Variants in LMBRD1 observed in about 807,000 individuals in gnomAD.
The protein encoded by LMBRD1 is lysosomal cobalamin transport escort protein LMBD1.
A neutral mutation model predicts 74.8 loss-of-function variants in LMBRD1; 64 were observed. That is an observed-to-expected ratio of 0.86 (90% CI 0.70 to 1.05). The LOEUF (loss-of-function observed/expected upper bound fraction) is 1.05, where lower values mean the gene tolerates loss of function less well. Among genes scored for constraint, LMBRD1 ranks in the 50% least tolerant of loss-of-function variants. The pLI is 0.00. For synonymous variants in LMBRD1, 204 were observed against 216.3 expected, an observed-to-expected ratio of 0.94 and a Z score of 0.50; for missense variants, 652 against 645.9, an observed-to-expected ratio of 1.01 and a Z score of -0.10.
At chr6:69,687,664 AAC>A (rs1189673686) in intron 14 of LMBRD1, among the ~76,000 whole-genome samples, 2 of 152,218 alleles carry the variant, frequency 1.3e-5, no homozygotes, top group African/African-American at 4.8e-5. Context: ...ACTGAAATGC[AAC>A]ACAGTCATTA....
chr6:69,702,302 C>T (rs996614266), intron 9 of LMBRD1, among the ~76,000 whole-genome samples: 2 of 151,754 alleles, frequency 1.3e-5, no homozygotes, highest in Non-Finnish European at 2.9e-5. Context: ...CACACACACA[C>T]ACACCCCAAA....
At chr6:69,700,264 T>G (rs1328441073) in intron 12 of LMBRD1, among the ~76,000 whole-genome samples, 1 of 151,896 alleles carries the variant, frequency 6.6e-6, no homozygotes, top group Non-Finnish European at 1.5e-5. Flanking sequence ...AATTGTTAAT[T>G]TATCTCAAAA....
chr6:69,676,124 G>C lies in LMBRD1; in HGVS notation c.*34C>G. On this transcript the variant is annotated 3_prime_UTR_variant, in exon 16 of 16. Transcript: ENST00000649934. Reference sequence around the variant, plus strand: ...TTTAAAAATGCATAACAGATATTCAGTCAGCATTATAAAACCTTTAAGACA... The same window carrying C: ...TTTAAAAATGCATAACAGATATTCACTCAGCATTATAAAACCTTTAAGACA... 1 of 1,504,578 alleles carries C rather than the reference G, an allele frequency of 6.6e-7. No individual in the cohort carries two copies. The highest frequency in any genetic ancestry group is 1.1e-5 in the South Asian group (1 of 88,732). The allele number at this position is 1,504,578 out of a possible 1,614,324, so 93.2% of individuals were successfully genotyped here. A position where few individuals can be genotyped will look rare whatever the true frequency, so the allele number is the denominator to read the frequency against.
intron 3 of LMBRD1, among the ~76,000 whole-genome samples, chr6:69,759,001 T>G (rs1403376725): frequency 1.3e-5 from 2 of 152,136 alleles, no homozygotes; most frequent in South Asian, 2.1e-4. Context: ...TAGATCAAAG[T>G]GGCCTGGTAG....
At chr6:69,779,301 T>C (rs1403971787) in intron 3 of LMBRD1, among the ~76,000 whole-genome samples, 2 of 152,138 alleles carry the variant, frequency 1.3e-5, no homozygotes, top group East Asian at 3.8e-4. Flanking sequence ...ACTCAGAATC[T>C]TTATTGCTGA....
chr6:69,680,110 T>C lies in LMBRD1; in HGVS notation c.1418-3569A>G, dbSNP rs146723045. Reference sequence around the variant, plus strand: ...CAAATTTGTATAATCAGTATCAGCATACACTGCTAAATATACCTTTAAATA... The same window carrying C: ...CAAATTTGTATAATCAGTATCAGCACACACTGCTAAATATACCTTTAAATA... On this transcript the variant is annotated intron_variant, in intron 14 of 15. Transcript: ENST00000649934. 4.7e-3 allele frequency among the ~76,000 whole-genome samples: 722 copies of C among 152,244 alleles called. 8 individuals carry two copies. Among genetic ancestry groups the C allele is most frequent in the Middle Eastern group, 0.017 (5 of 294 alleles).
intron 13 of LMBRD1, 48 bp from the exon 14 acceptor site, chr6:69,697,689 A>C: frequency 8.9e-7 from 1 of 1,117,440 alleles, no homozygotes; most frequent in Non-Finnish European, 1.4e-6. Context: ...ATTAATAAAT[A>C]CATTTGGATT....
chr6:69,757,020 T>C (rs1765281225), intron 3 of LMBRD1, among the ~76,000 whole-genome samples: 1 of 152,160 alleles, frequency 6.6e-6, no homozygotes, highest in South Asian at 2.1e-4. Context: ...ACAATAATGA[T>C]GTTGAGAGAA....
chr6:69,745,056 G>A (rs1021274460), intron 5 of LMBRD1, among the ~76,000 whole-genome samples: 2 of 151,530 alleles, frequency 1.3e-5, no homozygotes, highest in African/African-American at 2.4e-5. Context: ...GCATGGTCTC[G>A]ATCTCTTGAC....
Position 69,713,651 on chromosome 6 carries a change from G to T in LMBRD1, c.909C>A (p.Pro303=). The change falls in exon 9 of 16, where the codon CCC becomes CCA. Residue 303 remains proline (P), a synonymous_variant. Transcript: ENST00000649934. ...TTTTAAAAACTTCATTTACCTTCAG[G>T]GGACGCAGAGCGCCACAAAATTTTG... The part of the protein sequence containing the change: ...WWTKFCGALR[P]LKIVWGIFFI... 6.2e-7 allele frequency: 1 copy of T among 1,613,284 alleles called. No homozygotes were observed.
chr6:69,730,633 T>C (rs1033091335), intron 7 of LMBRD1, among the ~76,000 whole-genome samples: 24 of 152,148 alleles, frequency 1.6e-4, no homozygotes, highest in African/African-American at 5.5e-4. Flanking sequence ...ATTACATGCA[T>C]TCTTGGTACA....
In LMBRD1 at chr6:69,796,793, ACT is replaced by A; in HGVS notation, c.69+18_69+19del. 1 of 1,610,438 alleles carries A rather than the reference ACT, an allele frequency of 6.2e-7. No individual in the cohort carries two copies. Among genetic ancestry groups the A allele is most frequent in the Non-Finnish European group, 8.5e-7 (1 of 1,178,390 alleles). The stretch of plus-strand genomic sequence containing the variant: ...CTCCCCCAGTCCAAACATGGGGAAA[ACT>A]CCAAGCGCCTCCCCTACCAGTAGTA... On this transcript the variant is annotated intron_variant, in intron 1 of 15. Transcript: ENST00000649934.
rs139154326 is a variant in LMBRD1 at position 69,780,504 on chromosome 6, G to A, written c.297C>T (p.Tyr99=). 2.6e-5 allele frequency: 41 copies of A among 1,606,408 alleles called. No individual in the cohort carries two copies. The East Asian group carries it at 3.8e-4, about 15-fold the overall frequency. ...CTGAAAGATACTTACTATAGTAACC[G>A]TATAATACAGTGTCCTCAATCTGTC... The part of the protein sequence containing the change: ...VSRQIEDTVL[Y]GYYTLYSVIL... The change falls in exon 3 of 16, where the codon TAC becomes TAT. Residue 99 remains tyrosine (Y), a synonymous_variant. Coordinates refer to ENST00000649934, the MANE Select transcript of LMBRD1 (RefSeq NM_018368.4).
At position 69,719,045 on chromosome 6, in the gene LMBRD1, T is replaced by A. The variant is rs775028195; in HGVS notation, c.673A>T (p.Lys225Ter). ...TCATAAGCAGCGCTTCTAGTGCCTTTTATCAGATTTAAAGGTAACGCAGAC... is the reference window on the plus strand; with the variant it reads ...TCATAAGCAGCGCTTCTAGTGCCTTATATCAGATTTAAAGGTAACGCAGAC... ...GMSALPLNLI[K>*]GTRSAAYERL... The change falls in exon 8 of 16, where the codon AAA (lysine) becomes TAA (stop). Residue 225 changes from lysine to a stop codon, truncating the protein, a stop_gained. Coordinates refer to ENST00000649934, the MANE Select transcript of LMBRD1 (RefSeq NM_018368.4). LOFTEE classifies it high-confidence loss of function. 2 of 1,613,220 alleles carry A rather than the reference T, an allele frequency of 1.2e-6. No individual in the cohort carries two copies.
At chr6:69,760,472 G>A (rs1272783821) in intron 3 of LMBRD1, among the ~76,000 whole-genome samples, 2 of 152,068 alleles carry the variant, frequency 1.3e-5, no homozygotes, top group African/African-American at 2.4e-5. Flanking sequence ...AAAAACACAG[G>A]AGACTTCAAA....
intron 3 of LMBRD1, among the ~76,000 whole-genome samples, chr6:69,774,437 C>G (rs1189420148): frequency 6.6e-6 from 1 of 152,136 alleles, no homozygotes; most frequent in Non-Finnish European, 1.5e-5. Context: ...CAAAAATAGC[C>G]TCAAATAATT....
chr6:69,776,890 C>G (rs749623256), intron 3 of LMBRD1, among the ~76,000 whole-genome samples: 3 of 152,192 alleles, frequency 2.0e-5, no homozygotes, highest in Non-Finnish European at 4.4e-5. Context: ...TGCAGTGGCT[C>G]ACGTCTGTAA....
At chr6:69,700,423 T>G (rs1766101049) in intron 12 of LMBRD1, among the ~76,000 whole-genome samples, 1 of 151,864 alleles carries the variant, frequency 6.6e-6, no homozygotes, top group South Asian at 2.1e-4. Context: ...ACCATGGAAC[T>G]ATTGACATTT....
At chr6:69,740,397 T>C (rs1258228109) in intron 6 of LMBRD1, among the ~76,000 whole-genome samples, 1 of 152,180 alleles carries the variant, frequency 6.6e-6, no homozygotes, top group Non-Finnish European at 1.5e-5. Flanking sequence ...AAGTATAACT[T>C]ATGAAATAAT....
Sources: gnomAD v4.1 joint callset for allele counts (sites outside exome capture counted in the v4.1 genomes callset) on GRCh38, gnomAD v4.1.1 for gene constraint, MANE v1.5 for transcripts, NCBI Gene and HGNC (gene_info 2026-07-23, HGNC 2026-07-21) for gene names.